FGF12: variants seen among roughly 807,000 people sequenced by gnomAD.
FGF12 encodes the protein fibroblast growth factor 12.
In FGF12, 14 loss-of-function variants were observed where a neutral mutation model predicts 23.6. The observed-to-expected ratio is 0.59, with a 90% CI of 0.39 to 0.93. The LOEUF (loss-of-function observed/expected upper bound fraction) is 0.93. Ranked by LOEUF, FGF12 falls within the 40% of genes least tolerant of loss-of-function variation. The pLI, the probability that FGF12 is intolerant of heterozygous loss-of-function variation, is 0.00. For missense variants in FGF12, 175 were observed against 217.8 expected (o/e 0.80, Z 1.24); for synonymous variants, 62 against 77.3 (o/e 0.80, Z 1.04).
chr3:192,643,732 T>C (rs1715889698), intron 2 of FGF12, among the ~76,000 whole-genome samples: 1 of 152,204 alleles, frequency 6.6e-6, no homozygotes, highest in South Asian at 2.1e-4. Flanking sequence ...TATATCAGTA[T>C]ATAAATTATA....
chr3:192,564,044 T>G (rs1712161493), intron 2 of FGF12, among the ~76,000 whole-genome samples: 1 of 151,350 alleles, frequency 6.6e-6, no homozygotes, highest in Non-Finnish European at 1.5e-5. Context: ...TTTGTTTTTT[T>G]TTGTTTGTTT....
At chr3:192,699,481 C>A (rs529407649) in intron 2 of FGF12, among the ~76,000 whole-genome samples, 2 of 152,122 alleles carry the variant, frequency 1.3e-5, no homozygotes, top group Non-Finnish European at 2.9e-5. Context: ...CACGCCTACA[C>A]GCTTATTTCT....
chr3:192,688,678 T>C (rs903114095), intron 2 of FGF12, among the ~76,000 whole-genome samples: 2 of 152,122 alleles, frequency 1.3e-5, no homozygotes, highest in Admixed American at 6.6e-5. Context: ...TAAAACAGTA[T>C]AGAGATTTCT....
intron 4 of FGF12, among the ~76,000 whole-genome samples, chr3:192,322,447 T>C (rs1177933404): frequency 6.6e-6 from 1 of 151,896 alleles, no homozygotes; most frequent in Non-Finnish European, 1.5e-5. Context: ...CAACATTCTT[T>C]ACAGAAATAG....
At chr3:192,286,165 G>T (rs1272836011) in intron 4 of FGF12, among the ~76,000 whole-genome samples, 1 of 151,940 alleles carries the variant, frequency 6.6e-6, no homozygotes, top group Non-Finnish European at 1.5e-5. Flanking sequence ...AGGAGTAAAA[G>T]GATCAATCCT....
intron 4 of FGF12, among the ~76,000 whole-genome samples, chr3:192,302,267 C>A (rs1715391568): frequency 6.6e-6 from 1 of 152,138 alleles, no homozygotes; most frequent in African/African-American, 2.4e-5. Flanking sequence ...GAAGTTCCTG[C>A]CAGGTTAAAC....
intron 4 of FGF12, among the ~76,000 whole-genome samples, chr3:192,185,748 T>C (rs1162361390): frequency 6.6e-6 from 1 of 151,600 alleles, no homozygotes; most frequent in African/African-American, 2.4e-5. Context: ...TAATCCCAGC[T>C]ACTCGGGAGG....
chr3:192,506,563 G>A (rs777371635), intron 2 of FGF12, among the ~76,000 whole-genome samples: 1 of 152,044 alleles, frequency 6.6e-6, no homozygotes, highest in Non-Finnish European at 1.5e-5. Context: ...GTAGAGATGG[G>A]GTTTCACCAC....
rs138943951 is a variant in FGF12 at position 192,278,050 on chromosome 3, C to T, written c.228+57311G>A. Among the ~76,000 whole-genome samples, 8 of 152,296 alleles carry T rather than the reference C, an allele frequency of 5.3e-5. No homozygotes were observed. The East Asian group carries it at 7.7e-4, about 15-fold the overall frequency. Reference sequence around the variant, plus strand: ...TGCTGGGATTACAGGTGTGAGACACCGCGCCCAGCCACATTTCTCCTTTAA... The same window carrying T: ...TGCTGGGATTACAGGTGTGAGACACTGCGCCCAGCCACATTTCTCCTTTAA... On this transcript the variant is annotated intron_variant, in intron 4 of 5. Transcript: ENST00000445105.
chr3:192,677,624 T>C (rs940556445), intron 2 of FGF12, among the ~76,000 whole-genome samples: 1 of 152,172 alleles, frequency 6.6e-6, no homozygotes, highest in African/African-American at 2.4e-5. Flanking sequence ...AAAAACAAAA[T>C]AGCCATATGT....
chr3:192,485,053 TTTA>T (rs201040914), intron 2 of FGF12, among the ~76,000 whole-genome samples: 3,481 of 148,334 alleles, frequency 0.023, 185 homozygotes, highest in African/African-American at 0.085. Context: ...AATTTTAAAT[TTTA>T]TATGTGTACA....
chr3:192,372,063 A>G (rs2077463609), intron 2 of FGF12, among the ~76,000 whole-genome samples: 1 of 152,180 alleles, frequency 6.6e-6, no homozygotes, highest in Non-Finnish European at 1.5e-5. Flanking sequence ...ACTTCTATGC[A>G]CACAGAAAGT....
intron 2 of FGF12, among the ~76,000 whole-genome samples, chr3:192,446,390 T>C (rs9833783): frequency 0.13 from 19,107 of 152,254 alleles, 3,896 homozygotes; most frequent in African/African-American, 0.43. Context: ...ACAGTTCATT[T>C]AGCTCAACAC....
chr3:192,604,166 T>C (rs1183139430), intron 2 of FGF12, among the ~76,000 whole-genome samples: 2 of 152,164 alleles, frequency 1.3e-5, no homozygotes, highest in Admixed American at 1.3e-4. Flanking sequence ...TCAGACCTTA[T>C]GATTGTCTTC....
intron 2 of FGF12, among the ~76,000 whole-genome samples, chr3:192,700,067 A>T (rs1402748985): frequency 6.6e-6 from 1 of 152,218 alleles, no homozygotes; most frequent in Non-Finnish European, 1.5e-5. Context: ...TACTTCTTAC[A>T]AAATCACTTC....
intron 4 of FGF12, among the ~76,000 whole-genome samples, chr3:192,201,236 C>T (rs1221095864): frequency 1.3e-5 from 2 of 152,170 alleles, no homozygotes; most frequent in African/African-American, 4.8e-5. Flanking sequence ...ATCTCTTTAG[C>T]ATTGTCCTGT....
chr3:192,206,480 G>A (rs1450656381), intron 4 of FGF12, among the ~76,000 whole-genome samples: 3 of 152,268 alleles, frequency 2.0e-5, no homozygotes, highest in South Asian at 2.1e-4. Flanking sequence ...AAAACAAAGC[G>A]TAATAGGTTC....
intron 2 of FGF12, among the ~76,000 whole-genome samples, chr3:192,527,930 C>T (rs1054324316): frequency 5.3e-4 from 14 of 26,256 alleles, no homozygotes; most frequent in East Asian, 1.9e-3. Flanking sequence ...AGGAGAATAG[C>T]GCAGGAGAAA....
At chr3:192,615,586 C>T (rs1027296374) in intron 2 of FGF12, among the ~76,000 whole-genome samples, 1 of 151,974 alleles carries the variant, frequency 6.6e-6, no homozygotes, top group Non-Finnish European at 1.5e-5. Flanking sequence ...TATGACATGT[C>T]CATAATTTTT....
Sources: allele counts gnomAD v4.1 joint callset (sites outside exome capture counted in the v4.1 genomes callset), GRCh38; gene constraint gnomAD v4.1.1; transcripts MANE v1.5; gene names NCBI Gene and HGNC (gene_info 2026-07-23, HGNC 2026-07-21).